KLF8: variants seen among roughly 807,000 people sequenced by gnomAD.
The protein encoded by KLF8 is KLF transcription factor 8.
Under a neutral mutation model 18.2 loss-of-function variants are expected in KLF8, and 10 were observed. The ratio of observed to expected loss-of-function variants is 0.55; its 90% CI spans 0.34 to 0.93. The LOEUF (loss-of-function observed/expected upper bound fraction) is 0.93, where lower values mean the gene tolerates loss of function less well. Ranked by LOEUF, KLF8 falls within the 40% of genes least tolerant of loss-of-function variation. The pLI, the probability that KLF8 is intolerant of heterozygous loss-of-function variation, is 0.02. For missense variants in KLF8, 264 were observed against 277.9 expected, an observed-to-expected ratio of 0.95 and a Z score of 0.36; for synonymous variants, 109 against 97.3, an observed-to-expected ratio of 1.12 and a Z score of -0.71.
the KLF8 span, among the ~76,000 whole-genome samples, chrX:56,134,195 A>C: frequency 9.0e-6 from 1 of 111,434 alleles, no homozygotes; most frequent in Non-Finnish European, 1.9e-5. Flanking sequence ...CAAAAAAAAA[A>C]TTTTGCATAG....
the KLF8 span, among the ~76,000 whole-genome samples, chrX:56,030,877 G>C: frequency 2.7e-5 from 3 of 109,545 alleles, 1 homozygote; most frequent in Non-Finnish European, 5.7e-5. Flanking sequence ...TTTGCTACTA[G>C]TACTGCTGCT....
the KLF8 span, among the ~76,000 whole-genome samples, chrX:56,130,453 G>C: frequency 9.0e-6 from 1 of 111,654 alleles, no homozygotes; most frequent in Non-Finnish European, 1.9e-5. Flanking sequence ...AGAAAATCAG[G>C]AGAGTACTAC....
chrX:56,011,973 CA>C, the KLF8 span, among the ~76,000 whole-genome samples: 8 of 110,416 alleles, frequency 7.2e-5, no homozygotes, highest in Admixed American at 7.7e-4. Context: ...ATCTATCAAC[CA>C]AAAAAAATCC....
At chrX:55,931,856 G>C in the KLF8 span, among the ~76,000 whole-genome samples, 1 of 110,379 alleles carries the variant, frequency 9.1e-6, no homozygotes, top group South Asian at 3.9e-4. Context: ...GATTTGGAGT[G>C]GAGAGTTCTG....
chrX:56,037,875 C>A, the KLF8 span, among the ~76,000 whole-genome samples: 5 of 111,550 alleles, frequency 4.5e-5, no homozygotes, highest in African/African-American at 1.3e-4. Flanking sequence ...TTATTATTGG[C>A]TACAGTCACC....
the KLF8 span, among the ~76,000 whole-genome samples, chrX:56,064,190 G>C: frequency 9.3e-6 from 1 of 108,056 alleles, no homozygotes; most frequent in Non-Finnish European, 1.9e-5. Flanking sequence ...GCAGTCTTGT[G>C]TGGGTCTTCA....
At chrX:56,078,668 G>A in the KLF8 span, among the ~76,000 whole-genome samples, 1 of 111,920 alleles carries the variant, frequency 8.9e-6, no homozygotes, top group Non-Finnish European at 1.9e-5. Context: ...AAATGAGTTA[G>A]GGAGGATTCC....
chrX:56,233,359 TA>T lies in KLF8; in HGVS notation c.7+20del. On this transcript the variant is annotated intron_variant, in intron 1 of 5. Coordinates refer to ENST00000468660, the MANE Select transcript of KLF8 (RefSeq NM_007250.5). ...CATGGTCGGTAAGTGACTCTGGGAC[TA>T]ATACCCACCCACTCCCACCTCTTTC... is the stretch of plus-strand genomic sequence containing the variant. 2 of 1,121,952 alleles carry T rather than the reference TA, an allele frequency of 1.8e-6. No homozygotes were observed. The highest frequency in any genetic ancestry group is 2.5e-6 in the Non-Finnish European group (2 of 813,559). 92.5% of individuals were successfully genotyped at this position (1,121,952 alleles called of 1,213,427 possible).
the KLF8 span, among the ~76,000 whole-genome samples, chrX:56,069,160 C>A: frequency 3.6e-5 from 4 of 112,028 alleles, no homozygotes; most frequent in Admixed American, 9.4e-5. Context: ...GTGGGCAATG[C>A]CTATTAGAAC....
At chrX:56,101,419 T>C in the KLF8 span, among the ~76,000 whole-genome samples, 3 of 112,292 alleles carry the variant, frequency 2.7e-5, no homozygotes, top group East Asian at 2.8e-4. Context: ...TGAATAGCAC[T>C]GTGAAGAATG....
At chrX:56,219,422 G>A in the KLF8 span, among the ~76,000 whole-genome samples, 1 of 111,869 alleles carries the variant, frequency 8.9e-6, no homozygotes, top group Non-Finnish European at 1.9e-5. Flanking sequence ...TTAAAATCAA[G>A]AGGTTCTGAG....
the KLF8 span, among the ~76,000 whole-genome samples, chrX:56,187,427 G>A: frequency 6.3e-5 from 7 of 111,356 alleles, no homozygotes; most frequent in South Asian, 7.6e-4. Context: ...AATTCACAGC[G>A]GAATTCTACC....
the KLF8 span, among the ~76,000 whole-genome samples, chrX:56,175,712 A>G: frequency 3.6e-5 from 4 of 111,218 alleles, no homozygotes; most frequent in Non-Finnish European, 5.7e-5. Flanking sequence ...AAAGTCTCCC[A>G]TTATTATCGC....
the KLF8 span, among the ~76,000 whole-genome samples, chrX:55,966,768 C>G: frequency 9.0e-6 from 1 of 111,730 alleles, no homozygotes; most frequent in Non-Finnish European, 1.9e-5. Flanking sequence ...ATGCCCTCAC[C>G]AAACGTGCTA....
At chrX:56,167,817 A>T in the KLF8 span, among the ~76,000 whole-genome samples, 1 of 112,533 alleles carries the variant, frequency 8.9e-6, no homozygotes, top group African/African-American at 3.2e-5. Flanking sequence ...ACATTCTAAA[A>T]TGTACTACCT....
chrX:56,231,137 A>G (rs974777486), upstream of KLF8, among the ~76,000 whole-genome samples: 3 of 111,756 alleles, frequency 2.7e-5, no homozygotes, highest in African/African-American at 9.8e-5. Context: ...GCTGCTTGAG[A>G]GGCAGACAAA....
chrX:56,121,102 C>T, the KLF8 span, among the ~76,000 whole-genome samples: 1 of 103,175 alleles, frequency 9.7e-6, no homozygotes, highest in Non-Finnish European at 2.0e-5. Context: ...AGGAGAATGG[C>T]GTGAACCCGG....
the KLF8 span, among the ~76,000 whole-genome samples, chrX:55,990,792 G>T: frequency 8.9e-6 from 1 of 112,221 alleles, no homozygotes; most frequent in Non-Finnish European, 1.9e-5. Flanking sequence ...CTGGGTATCA[G>T]CAGTGGAGGC....
the KLF8 span, among the ~76,000 whole-genome samples, chrX:56,157,734 G>A: frequency 9.0e-6 from 1 of 111,632 alleles, no homozygotes; most frequent in East Asian, 2.8e-4. Context: ...TTTTGATGGG[G>A]TTGTTTGCTT....
Sources: allele counts gnomAD v4.1 joint callset (sites outside exome capture counted in the v4.1 genomes callset), GRCh38; gene constraint gnomAD v4.1.1; transcripts MANE v1.5; gene names NCBI Gene and HGNC (gene_info 2026-07-23, HGNC 2026-07-21).